CHN2: variants seen among roughly 807,000 people sequenced by gnomAD.
The protein encoded by CHN2 is beta-chimaerin.
A neutral mutation model predicts 56.3 loss-of-function variants in CHN2; 35 were observed. The ratio of observed to expected loss-of-function variants is 0.62; its 90% confidence interval spans 0.47 to 0.82. The LOEUF (loss-of-function observed/expected upper bound fraction) is 0.82, where lower values mean the gene tolerates loss of function less well. Ranked by LOEUF, CHN2 falls within the 40% of genes least tolerant of loss-of-function variation. The pLI, the probability that CHN2 is intolerant of heterozygous loss-of-function variation, is 0.00. For synonymous variants in CHN2, 210 were observed against 212.8 expected, an observed-to-expected ratio of 0.99 and a Z score of 0.12; for missense variants, 491 against 580.5, an observed-to-expected ratio of 0.85 and a Z score of 1.58.
intron 6 of CHN2, among the ~76,000 whole-genome samples, chr7:29,409,162 C>G (rs1274561787): frequency 6.6e-6 from 1 of 152,130 alleles, no homozygotes; most frequent in African/African-American, 2.4e-5. Context: ...GGCAGCTCTG[C>G]GGGCCTAGGA....
chr7:29,265,720 G>A (rs1168404223), intron 1 of CHN2, among the ~76,000 whole-genome samples: 1 of 150,444 alleles, frequency 6.6e-6, no homozygotes. Context: ...GGCATGTAGG[G>A]AGGAGAATCC....
At chr7:29,407,717 A>C (rs1401605711) in intron 6 of CHN2, among the ~76,000 whole-genome samples, 1 of 152,214 alleles carries the variant, frequency 6.6e-6, no homozygotes. Flanking sequence ...GGATGCAGTG[A>C]GAATGGATTT....
chr7:29,225,397 T>C lies in CHN2; in HGVS notation c.49+30407T>C, dbSNP rs74949527. On this transcript the variant is annotated intron_variant, in intron 1 of 12. Coordinates refer to ENST00000222792, the MANE Select transcript of CHN2 (RefSeq NM_004067.4). ...TATGTACGGACTCTAAAAGAAACAATAGCAAACAATATCATATACAGTGAT... is the reference window on the plus strand; with the variant it reads ...TATGTACGGACTCTAAAAGAAACAACAGCAAACAATATCATATACAGTGAT... Among the ~76,000 whole-genome samples the C allele has an allele frequency of 9.8e-3, 1,493 of 152,180 alleles. 27 individuals carry two copies. The highest frequency in any genetic ancestry group is 0.034 in the African/African-American group (1,431 of 41,534).
chr7:29,179,778 G>A (rs2128740603), intron 2 of CHN2, among the ~76,000 whole-genome samples: 1 of 152,208 alleles, frequency 6.6e-6, no homozygotes, highest in Middle Eastern at 3.4e-3. Flanking sequence ...CATTTGTGGA[G>A]GGGCTATATA....
intron 1 of CHN2, among the ~76,000 whole-genome samples, chr7:29,297,154 G>A (rs1481667914): frequency 1.3e-5 from 2 of 152,210 alleles, no homozygotes; most frequent in Non-Finnish European, 2.9e-5. Context: ...GACCCTCAGC[G>A]GAGCAAGACT....
chr7:29,271,831 T>C (rs1465922942), intron 1 of CHN2, among the ~76,000 whole-genome samples: 1 of 152,216 alleles, frequency 6.6e-6, no homozygotes, highest in East Asian at 1.9e-4. Flanking sequence ...TTGCTGCTTT[T>C]GAGCAGCTCC....
chr7:29,166,982 A>T (rs949688490), intron 2 of CHN2, among the ~76,000 whole-genome samples: 9 of 152,088 alleles, frequency 5.9e-5, no homozygotes, highest in Non-Finnish European at 1.3e-4. Context: ...ATATATTTCT[A>T]TGCTTTTTTG....
intron 1 of CHN2, among the ~76,000 whole-genome samples, chr7:29,275,788 G>C (rs897528646): frequency 1.3e-5 from 2 of 152,206 alleles, no homozygotes; most frequent in South Asian, 2.1e-4. Flanking sequence ...TCCGGAGTTG[G>C]TGTCCTTCAC....
chr7:29,356,876 G>A (rs759656334), intron 2 of CHN2, among the ~76,000 whole-genome samples: 3 of 152,226 alleles, frequency 2.0e-5, no homozygotes, highest in Non-Finnish European at 2.9e-5. Flanking sequence ...TCTGTAGTGA[G>A]AGGCATTGGG....
chr7:29,295,593 T>A (rs1421163880), intron 1 of CHN2, among the ~76,000 whole-genome samples: 1 of 151,238 alleles, frequency 6.6e-6, no homozygotes, highest in Non-Finnish European at 1.5e-5. Flanking sequence ...AAAAAAAAAA[T>A]TAAAAAAGAT....
rs1329486520 is a variant in CHN2 at position 29,507,354 on chromosome 7, T to C, written c.1118T>C (p.Ile373Thr). 4 of 1,605,964 alleles carry C rather than the reference T, an allele frequency of 2.5e-6. No homozygotes were observed. Among genetic ancestry groups the C allele is most frequent in the Admixed American group, 1.7e-5 (1 of 58,418 alleles). ...VITYDTYSKF[I>T]DAAKISNADE... is the part of the protein sequence containing the mutation. ...ACATATGATACCTATTCCAAATTTA[T>C]AGATGCAGCAAGTAAGTACTTCAAA... The change falls in exon 11 of 13, where the codon ATA becomes ACA. Residue 373 changes from isoleucine to threonine, a missense_variant. Coordinates refer to ENST00000222792, the MANE Select transcript of CHN2 (RefSeq NM_004067.4).
intron 8 of CHN2, among the ~76,000 whole-genome samples, chr7:29,497,624 A>G (rs1159686744): frequency 6.6e-6 from 1 of 152,140 alleles, no homozygotes; most frequent in African/African-American, 2.4e-5. Context: ...AAGAACCATC[A>G]TTGCCTCTCA....
At chr7:29,348,273 C>T (rs1328866138) in intron 1 of CHN2, among the ~76,000 whole-genome samples, 1 of 152,154 alleles carries the variant, frequency 6.6e-6, no homozygotes, top group African/African-American at 2.4e-5. Context: ...AGAACAGCAG[C>T]ATCATCTTTT....
intron 1 of CHN2, among the ~76,000 whole-genome samples, chr7:29,226,154 CAATT>C (rs1374635883): frequency 1.3e-5 from 2 of 152,076 alleles, no homozygotes; most frequent in Admixed American, 6.6e-5. Context: ...TGTCTTTTCT[CAATT>C]GATTGCCTGT....
At chr7:29,457,437 G>A (rs1458231020) in intron 6 of CHN2, among the ~76,000 whole-genome samples, 1 of 152,166 alleles carries the variant, frequency 6.6e-6, no homozygotes, top group Admixed American at 6.5e-5. Context: ...CCCATTTGAT[G>A]AATCTGAGAA....
intron 6 of CHN2, among the ~76,000 whole-genome samples, chr7:29,455,976 C>T (rs2128133938): frequency 6.6e-6 from 1 of 152,290 alleles, no homozygotes; most frequent in South Asian, 2.1e-4. Context: ...AAGAAGAGTC[C>T]TTGGGGGAAT....
intron 3 of CHN2, among the ~76,000 whole-genome samples, chr7:29,383,911 G>A (rs948204702): frequency 3.9e-5 from 6 of 152,194 alleles, no homozygotes; most frequent in Non-Finnish European, 7.3e-5. Flanking sequence ...GACTACTTTC[G>A]TAGTCTAGAT....
chr7:29,360,165 T>C (rs1241620546), intron 2 of CHN2, among the ~76,000 whole-genome samples: 1 of 152,210 alleles, frequency 6.6e-6, no homozygotes, highest in Admixed American at 6.5e-5. Flanking sequence ...TGTGGGCAAC[T>C]GTCATCTCCT....
At chr7:29,301,357 ACACACAC>A in intron 1 of CHN2, among the ~76,000 whole-genome samples, 1 of 146,274 alleles carries the variant, frequency 6.8e-6, no homozygotes, top group Non-Finnish European at 1.5e-5. Context: ...ACACACACAC[ACACACAC>A]ACACACACAC....
Sources: allele counts gnomAD v4.1 joint callset (sites outside exome capture counted in the v4.1 genomes callset), GRCh38; gene constraint gnomAD v4.1.1; transcripts MANE v1.5; gene names NCBI Gene and HGNC (gene_info 2026-07-23, HGNC 2026-07-21).